The following CFAP70 variants were observed in gnomAD, a reference collection of about 807,000 sequenced individuals.
CFAP70 encodes cilia and flagella associated protein 70, also known as cilia- and flagella-associated protein 70.
In CFAP70, 81 loss-of-function variants were observed where a neutral mutation model predicts 137.6. The observed-to-expected ratio is 0.59, with a 90% CI of 0.49 to 0.71. The LOEUF is 0.71. CFAP70 is among the 30% of genes least tolerant of loss of function. The pLI is 0.00. For synonymous variants in CFAP70, 382 were observed against 423.6 expected (o/e 0.90, Z 1.20); for missense variants, 976 against 1,226.7 (o/e 0.80, Z 3.05).
At chr10:73,311,861 G>A (rs1357856429) in exon 11 of CFAP70, 1 of 1,613,846 alleles carries the variant, frequency 6.2e-7, no homozygotes, top group Admixed American at 1.7e-5. Flanking sequence ...GACTTAGAGG[G>A]GGTTCACCTT....
chr10:73,356,658 A>G (rs2054703836), intron 1 of CFAP70, among the ~76,000 whole-genome samples: 1 of 152,168 alleles, frequency 6.6e-6, no homozygotes, highest in Non-Finnish European at 1.5e-5. Flanking sequence ...AGTCACCTAA[A>G]AGTGTCAAAT....
chr10:73,285,840 G>A (rs1478906188), intron 19 of CFAP70, among the ~76,000 whole-genome samples: 1 of 151,822 alleles, frequency 6.6e-6, no homozygotes, highest in Non-Finnish European at 1.5e-5. Flanking sequence ...TCACCCTGTT[G>A]GCCAGTCTGG....
intron 9 of CFAP70, among the ~76,000 whole-genome samples, chr10:73,317,623 T>G (rs1221904343): frequency 6.6e-6 from 1 of 152,196 alleles, no homozygotes; most frequent in Non-Finnish European, 1.5e-5. Flanking sequence ...ATGTGGGATA[T>G]TTTCAGACAT....
At chr10:73,361,853 GT>G (rs146636199), upstream of CFAP70, among the ~76,000 whole-genome samples, 544 of 147,964 alleles carry the variant, frequency 3.7e-3, 1 homozygote, top group African/African-American at 0.013. Flanking sequence ...AACCCCAACT[GT>G]TTTTTTTTTC....
chr10:73,270,423 CCTCTCCT>C (rs912907681), intron 24 of CFAP70, among the ~76,000 whole-genome samples: 28 of 145,748 alleles, frequency 1.9e-4, no homozygotes, highest in African/African-American at 6.5e-4. Context: ...TCTTTCCTCT[CCTCTCCT>C]CTCTCCTCTC....
At chr10:73,319,171 A>G (rs922394349) in intron 9 of CFAP70, among the ~76,000 whole-genome samples, 1 of 152,238 alleles carries the variant, frequency 6.6e-6, no homozygotes, top group Admixed American at 6.5e-5. Context: ...ACTAAACATA[A>G]CGTCTTAATA....
At chr10:73,277,446 G>GTAAT (rs2046852218) in intron 20 of CFAP70, 85 bp from the exon 22 acceptor site, 1 of 1,465,916 alleles carries the variant, frequency 6.8e-7, no homozygotes, top group Non-Finnish European at 9.2e-7. Flanking sequence ...TGGGTGCGGT[G>GTAAT]GCTCACGCCT....
intron 19 of CFAP70, among the ~76,000 whole-genome samples, chr10:73,279,896 T>C (rs541839721): frequency 1.3e-5 from 2 of 151,884 alleles, no homozygotes; most frequent in South Asian, 4.2e-4. Flanking sequence ...CCTTTAAAAA[T>C]TGCCGTTTAT....
At chr10:73,295,351 TGAAGGAAG>T (rs1166169169) in intron 15 of CFAP70, 213 of 105,738 alleles carry the variant, frequency 2.0e-3, no homozygotes, top group Middle Eastern at 6.9e-3. Flanking sequence ...AAGAAAGAAA[TGAAGGAAG>T]GAAGGAAGGG....
chr10:73,277,078 G>T, intron 21 of CFAP70, 162 bp downstream of exon 22: 1 of 832,510 alleles, frequency 1.2e-6, no homozygotes, highest in Admixed American at 3.1e-5. Context: ...GCAAAGAGTG[G>T]TTCATGTTTG....
At chr10:73,255,827 G>A (rs544350706) in intron 26 of CFAP70, among the ~76,000 whole-genome samples, 133 of 152,202 alleles carry the variant, frequency 8.7e-4, no homozygotes, top group African/African-American at 3.0e-3. Flanking sequence ...TTACAGGCGT[G>A]AGCCACCATG....
chr10:73,277,136 A>G (rs1444262097), intron 21 of CFAP70, 104 bp downstream of exon 22: 6 of 1,379,518 alleles, frequency 4.3e-6, no homozygotes, highest in Non-Finnish European at 4.9e-6. Context: ...AGCATATTTG[A>G]TTTCTGTTTC....
intron 1 of CFAP70, among the ~76,000 whole-genome samples, chr10:73,357,568 T>A (rs1400461625): frequency 6.6e-6 from 1 of 152,192 alleles, no homozygotes; most frequent in Non-Finnish European, 1.5e-5. Context: ...ATCGTATCAC[T>A]GTCTTGTTCC....
chr10:73,279,466 G>A (rs947526229), intron 19 of CFAP70, among the ~76,000 whole-genome samples: 2 of 151,754 alleles, frequency 1.3e-5, no homozygotes, highest in African/African-American at 4.8e-5. Flanking sequence ...AGAGCTTGCA[G>A]TGAGCCCAGA....
intron 4 of CFAP70, among the ~76,000 whole-genome samples, chr10:73,346,452 A>G (rs1445854794): frequency 6.6e-6 from 1 of 151,860 alleles, no homozygotes; most frequent in Non-Finnish European, 1.5e-5. Context: ...CCTGGCCAAC[A>G]TGGTGAAACC....
intron 25 of CFAP70, among the ~76,000 whole-genome samples, chr10:73,267,606 A>C (rs1000520711): frequency 6.6e-6 from 1 of 152,234 alleles, no homozygotes; most frequent in African/African-American, 2.4e-5. Context: ...GGGGATCATT[A>C]TTATAAAAAT....
chr10:73,359,595 T>A (rs1348880976), upstream of CFAP70, among the ~76,000 whole-genome samples: 1 of 152,026 alleles, frequency 6.6e-6, no homozygotes, highest in Non-Finnish European at 1.5e-5. Flanking sequence ...AAAGGAAAAC[T>A]CTTTCAAAGT....
chr10:73,309,846 G>A (rs372616535), intron 12 of CFAP70, among the ~76,000 whole-genome samples: 3 of 151,660 alleles, frequency 2.0e-5, no homozygotes, highest in Admixed American at 6.6e-5. Flanking sequence ...TAGTAGAGAC[G>A]GGGTTTCACC....
rs141104547 is a variant in CFAP70, at chr10:73,341,345, A to G, written c.582+54T>C. Reference sequence around the variant, plus strand: ...ATTACAGTAATTCACAAAATGTTTTATCATCTGTCAGTACACTAAGTTTAT... The same window carrying G: ...ATTACAGTAATTCACAAAATGTTTTGTCATCTGTCAGTACACTAAGTTTAT... On this transcript the variant is annotated intron_variant, in intron 6 of 26. Transcript: ENST00000310715. 4.6e-5 allele frequency: 67 copies of G among 1,462,632 alleles called. 1 individual carries two copies. The Admixed American group carries it at 1.4e-3, about 31-fold the overall frequency. 90.6% of individuals were successfully genotyped at this position (1,462,632 alleles called of 1,614,324 possible). A position where few individuals can be genotyped will look rare whatever the true frequency, so the allele number is the denominator to read the frequency against.
Sources: allele counts gnomAD v4.1 joint callset (sites outside exome capture counted in the v4.1 genomes callset), GRCh38; gene constraint gnomAD v4.1.1; transcripts MANE v1.5; gene names NCBI Gene and HGNC (gene_info 2026-07-23, HGNC 2026-07-21).